PTPN7: variants seen among roughly 807,000 people sequenced by gnomAD.
The protein encoded by PTPN7 is tyrosine-protein phosphatase non-receptor type 7.
A neutral mutation model predicts 50.3 loss-of-function variants in PTPN7; 33 were observed. That is an observed-to-expected ratio of 0.66 (90% CI 0.50 to 0.88). The LOEUF is 0.88. PTPN7 is among the 40% of genes least tolerant of loss of function. The pLI is 0.00. For synonymous variants in PTPN7, 185 were observed against 186.6 expected (o/e 0.99, Z 0.07); for missense variants, 412 against 475.4 (o/e 0.87, Z 1.24).
At chr1:202,153,523 G>A (rs544616884) in intron 7 of PTPN7, among the ~76,000 whole-genome samples, 125 of 152,310 alleles carry the variant, frequency 8.2e-4, no homozygotes, top group South Asian at 1.5e-3. Flanking sequence ...GTACTTCCCG[G>A]TAGTCCTATT....
intron 5 of PTPN7, among the ~76,000 whole-genome samples, chr1:202,155,303 G>A (rs1656529173): frequency 6.6e-6 from 1 of 152,170 alleles, no homozygotes; most frequent in Admixed American, 6.6e-5. Flanking sequence ...GGAGGTTAGG[G>A]AGACTTGGTG....
Position 202,154,259 on chromosome 1 carries a change from T to G in PTPN7, c.533A>C (p.Asp178Ala), listed in dbSNP as rs771274849. The change falls in exon 6 of 10, where the codon GAC (aspartate) becomes GCC (alanine). Residue 178 changes from aspartate (D) to alanine (A), a missense_variant. Transcript: ENST00000691036. ...CTCTTGCCACACCATCTCCCAGAAG[T>G]CCGACACAGTGTTGGGCATGGGGCC... Reference protein sequence around the residue: ...TQGPMPNTVSDFWEMVWQEEV... With the variant: ...TQGPMPNTVSAFWEMVWQEEV... 10 of 1,613,956 alleles carry G rather than the reference T, an allele frequency of 6.2e-6. No individual in the cohort carries two copies. In the Middle Eastern group the frequency reaches 6.6e-4, roughly 106 times the overall value.
At position 202,159,365 on chromosome 1, in the gene PTPN7, G is replaced by A. The variant is rs780426736; in HGVS notation, c.38C>T (p.Pro13Leu). Residue 13 changes from proline to leucine, a missense_variant, in exon 2 of 10, where the codon CCG (proline) becomes CTG (leucine). Pro to Leu is a moderately conservative substitution (Grantham distance 98, BLOSUM62 -3). Coordinates refer to ENST00000691036, the MANE Select transcript of PTPN7 (RefSeq NM_002832.4). This position sits in a 1 kb window ranked among gnomAD's most constrained non-coding sequence, Gnocchi z 4.6. ...GGCTGCCCCCAAAGACAAGGTCAAC[G>A]GCTGTGCTCTGGAGCGCCCCCCATG... ...QAHGGRSRAQPLTLSLGAAMT... is the reference protein window; with the variant it reads ...QAHGGRSRAQLLTLSLGAAMT... The A allele has an allele frequency of 1.9e-5, 30 of 1,614,098 alleles. No individual in the cohort carries two copies. Among genetic ancestry groups the A allele is most frequent in the South Asian group, 6.6e-5 (6 of 91,092 alleles).
chr1:202,159,894 A>T lies in PTPN7; in HGVS notation c.-52-440T>A. The T allele has an allele frequency of 2.9e-6, 3 of 1,020,672 alleles. No homozygotes were observed. Among genetic ancestry groups the T allele is most frequent in the Non-Finnish European group, 3.5e-6 (3 of 852,410 alleles). 63.2% of individuals were successfully genotyped at this position (1,020,672 alleles called of 1,614,324 possible). A position where few individuals can be genotyped will look rare whatever the true frequency, so the allele number is the denominator to read the frequency against. On this transcript the variant is annotated intron_variant, in intron 1 of 9. Transcript: ENST00000691036. The surrounding 1 kb of genome is among the most constrained non-coding windows in gnomAD (Gnocchi z 4.6). ...TGAACAGAGAATGGAGGCCTCCAGC[A>T]GTGTTGGAGCTGGTTGGGCAGCCAG...
At position 202,154,302 on chromosome 1, in the gene PTPN7, C is replaced by T. The variant is rs1656397459; in HGVS notation, c.490G>A (p.Val164Ile). The change falls in exon 6 of 10, where the codon GTC becomes ATC. Residue 164 changes from valine to isoleucine, a missense_variant. Coordinates refer to ENST00000691036, the MANE Select transcript of PTPN7 (RefSeq NM_002832.4). ...ATGGGGCCCTGGGTGGCAATGTAGA[C>T]CTTCTCCTTCCCGTCATAGCCCTGG... ...YIRGYDGKEK[V>I]YIATQGPMPN... is the part of the protein sequence containing the mutation. The T allele has an allele frequency of 6.2e-7, 1 of 1,613,448 alleles. No homozygotes were observed. Among genetic ancestry groups the T allele is most frequent in the African/African-American group, 1.3e-5 (1 of 74,914 alleles).
upstream of PTPN7, chr1:202,161,513 G>C: frequency 7.8e-7 from 1 of 1,289,636 alleles, no homozygotes; most frequent in Admixed American, 2.3e-5. Flanking sequence ...CACTGCCCCT[G>C]CCTGACCTTG....
Position 202,159,019 on chromosome 1 carries a change from G to A in PTPN7, c.122+262C>T. On this transcript the variant is annotated intron_variant, in intron 2 of 9. Coordinates refer to ENST00000691036, the MANE Select transcript of PTPN7 (RefSeq NM_002832.4). This position sits in a 1 kb window ranked among gnomAD's most constrained non-coding sequence, Gnocchi z 4.6. ...TTCCCACTCCCAGCCAGGCCCTGTG[G>A]CTCCGACATGCATCCAGCACCAAGA... 2 of 482,856 alleles carry A rather than the reference G, an allele frequency of 4.1e-6. No individual in the cohort carries two copies. The highest frequency in any genetic ancestry group is 7.5e-6 in the Non-Finnish European group (2 of 266,138). 29.9% of individuals were successfully genotyped at this position (482,856 alleles called of 1,614,324 possible). A position where few individuals can be genotyped will look rare whatever the true frequency, so the allele number is the denominator to read the frequency against.
intron 9 of PTPN7, among the ~76,000 whole-genome samples, chr1:202,149,147 GC>G (rs1655654738): frequency 6.6e-6 from 1 of 152,008 alleles, no homozygotes; most frequent in African/African-American, 2.4e-5. Context: ...GAGCCACCAT[GC>G]CCCACCACCT....
At position 202,159,357 on chromosome 1, in the gene PTPN7, A is replaced by T; in HGVS notation, c.46T>A (p.Leu16Met). The T allele has an allele frequency of 5.0e-6, 8 of 1,614,182 alleles. No homozygotes were observed. The highest frequency in any genetic ancestry group is 6.8e-6 in the Non-Finnish European group (8 of 1,180,022). ...TGGGTCATGGCTGCCCCCAAAGACA[A>T]GGTCAACGGCTGTGCTCTGGAGCGC... ...GGRSRAQPLTLSLGAAMTQPP... is the reference protein window; with the variant it reads ...GGRSRAQPLTMSLGAAMTQPP... Residue 16 changes from leucine to methionine, a missense_variant, in exon 2 of 10, where the codon TTG becomes ATG. Physicochemically the swap from Leu to Met is conservative, Grantham distance 15. Transcript: ENST00000691036. This position sits in a 1 kb window ranked among gnomAD's most constrained non-coding sequence, Gnocchi z 4.6.
At chr1:202,157,966 G>A (rs1656874410) in intron 3 of PTPN7, 143 bp from the exon 4 acceptor site, 1 of 1,239,686 alleles carries the variant, frequency 8.1e-7, no homozygotes, top group African/African-American at 1.5e-5. Context: ...AGAAGGGGAA[G>A]CCTGGGGGCA....
intron 2 of PTPN7, chr1:202,158,519 C>T: frequency 5.9e-6 from 3 of 507,580 alleles, no homozygotes; most frequent in Non-Finnish European, 1.0e-5. Flanking sequence ...TGCTACCACA[C>T]CTGGCTAATT....
chr1:202,158,216 C>A lies in PTPN7; in HGVS notation c.208G>T (p.Val70Phe), dbSNP rs1297124637. 2 of 1,614,092 alleles carry A rather than the reference C, an allele frequency of 1.2e-6. No homozygotes were observed. Residue 70 changes from valine to phenylalanine, a missense_variant, in exon 3 of 10, where the codon GTC (valine) becomes TTC (phenylalanine). By Grantham distance (50) the Val-to-Phe change is conservative. Transcript: ENST00000691036. The stretch of plus-strand genomic sequence containing the variant: ...GCAGTGCGCAGAAAGTGTAGGGTGA[C>A]CTCCCGGGGTGTGTTCACAGAGCAG... ...PICSVNTPRE[V>F]TLHFLRTAGH...
chr1:202,153,595 T>G, intron 7 of PTPN7, 130 bp downstream of exon 7: 1 of 707,056 alleles, frequency 1.4e-6, no homozygotes, highest in Non-Finnish European at 2.4e-6. Flanking sequence ...TTTCTCTTTC[T>G]GCTATAGATG....
intron 4 of PTPN7, among the ~76,000 whole-genome samples, chr1:202,156,224 C>A (rs557593481): frequency 6.6e-6 from 1 of 152,178 alleles, no homozygotes; most frequent in South Asian, 2.1e-4. Flanking sequence ...ACAGCAGAGA[C>A]CAAATGGGAA....
intron 4 of PTPN7, 63 bp downstream of exon 4, chr1:202,157,676 C>G: frequency 6.8e-7 from 1 of 1,477,508 alleles, no homozygotes. Flanking sequence ...GTACTTTGTC[C>G]TCTGAAGTTC....
chr1:202,150,823 G>A lies in PTPN7; in HGVS notation c.876-399C>T, dbSNP rs529663733. Reference sequence around the variant, plus strand: ...CTCTCAGCTCAGACTCATCTTCCACGCAGCCCACGCCCGGCCCCTCTGTTT... The same window carrying A: ...CTCTCAGCTCAGACTCATCTTCCACACAGCCCACGCCCGGCCCCTCTGTTT... On this transcript the variant is annotated intron_variant, in intron 8 of 9. Coordinates refer to ENST00000691036, the MANE Select transcript of PTPN7 (RefSeq NM_002832.4). 1.1e-4 allele frequency among the ~76,000 whole-genome samples: 17 copies of A among 152,106 alleles called. No individual in the cohort carries two copies. In the South Asian group the frequency reaches 3.1e-3, roughly 28 times the overall value.
Position 202,154,168 on chromosome 1 carries a change from T to G in PTPN7, c.606+18A>C. 6.2e-7 allele frequency: 1 copy of G among 1,613,780 alleles called. No homozygotes were observed. Reference sequence around the variant, plus strand: ...AGCACTTTCTGGGTTCATCATGAACTGTGGCTCTGCCTCCTACCTCCTTGC... The same window carrying G: ...AGCACTTTCTGGGTTCATCATGAACGGTGGCTCTGCCTCCTACCTCCTTGC... On this transcript the variant is annotated intron_variant, in intron 6 of 9. Transcript: ENST00000691036.
At chr1:202,150,192 G>T in intron 9 of PTPN7, 119 bp downstream of exon 9, 1 of 774,530 alleles carries the variant, frequency 1.3e-6, no homozygotes, top group South Asian at 1.5e-5. Context: ...TAAGCAGAAA[G>T]GGTTTCTTCC....
At chr1:202,152,493 G>C (rs374325292) in intron 8 of PTPN7, 49 bp downstream of exon 8, 25 of 1,589,108 alleles carry the variant, frequency 1.6e-5, no homozygotes, top group Non-Finnish European at 2.1e-5. Flanking sequence ...CCAGGGGGCA[G>C]GGGAGGGGAG....
Sources: gnomAD v4.1 joint callset for allele counts (sites outside exome capture counted in the v4.1 genomes callset) on GRCh38, gnomAD v4.1.1 for gene constraint, Gnocchi (gnomAD v3.1) non-coding constraint, MANE v1.5 for transcripts, NCBI Gene and HGNC (gene_info 2026-07-23, HGNC 2026-07-21) for gene names.